The following PRELID2 variants were observed in gnomAD, a reference collection of about 807,000 sequenced individuals.
The protein encoded by PRELID2 is PRELI domain containing 2.
Under a neutral mutation model 28.4 loss-of-function variants are expected in PRELID2, and 25 were observed. The observed-to-expected ratio is 0.88, with a 90% CI of 0.64 to 1.23. PRELID2 has a LOEUF of 1.23. PRELID2 is among the 50% of genes most tolerant of loss of function. The pLI is 0.00. For missense variants in PRELID2, 201 were observed against 214.4 expected (o/e 0.94, Z 0.39); for synonymous variants, 76 against 71.6 (o/e 1.06, Z -0.31).
At chr5:145,564,874 A>G (rs1247039199) in intron 1 of PRELID2, among the ~76,000 whole-genome samples, 1 of 152,204 alleles carries the variant, frequency 6.6e-6, no homozygotes, top group Non-Finnish European at 1.5e-5. Context: ...GACTTCCATT[A>G]TGGCGTCCCT....
intron 1 of PRELID2, among the ~76,000 whole-genome samples, chr5:145,510,232 C>T (rs749726864): frequency 6.6e-6 from 1 of 152,182 alleles, no homozygotes; most frequent in African/African-American, 2.4e-5. Context: ...ACTCCATGAA[C>T]TTGACCTATC....
intron 5 of PRELID2, among the ~76,000 whole-genome samples, chr5:145,767,534 C>A (rs1255903031): frequency 2.0e-5 from 3 of 152,150 alleles, no homozygotes; most frequent in Non-Finnish European, 4.4e-5. Flanking sequence ...GCTAAAAGAG[C>A]ACACTATAAC....
intron 5 of PRELID2, 94 bp from the exon 6 acceptor site, chr5:145,765,094 C>G: frequency 1.2e-6 from 1 of 819,384 alleles, no homozygotes. Flanking sequence ...GAATCCAGGT[C>G]ATGGCCATAT....
the PRELID2 span, among the ~76,000 whole-genome samples, chr5:145,263,346 C>T: frequency 1.3e-5 from 2 of 151,934 alleles, no homozygotes; most frequent in Admixed American, 6.6e-5. Flanking sequence ...TTAACAGATA[C>T]TTACAGAACA....
At chr5:145,316,015 G>A in the PRELID2 span, among the ~76,000 whole-genome samples, 1 of 151,956 alleles carries the variant, frequency 6.6e-6, no homozygotes, top group Non-Finnish European at 1.5e-5. Context: ...GTATCTATAT[G>A]ATGGAAATAC....
At chr5:145,445,566 C>T in the PRELID2 span, among the ~76,000 whole-genome samples, 1 of 152,046 alleles carries the variant, frequency 6.6e-6, no homozygotes, top group African/African-American at 2.4e-5. Context: ...GCAAAGGGAA[C>T]AATGAACAGA....
intron 1 of PRELID2, among the ~76,000 whole-genome samples, chr5:145,660,493 T>C (rs140167856): frequency 6.6e-6 from 1 of 152,268 alleles, no homozygotes; most frequent in East Asian, 1.9e-4. Context: ...TATTCCTATA[T>C]TCTATTACTG....
chr5:145,278,090 G>A, the PRELID2 span, among the ~76,000 whole-genome samples: 3,674 of 152,156 alleles, frequency 0.024, 145 homozygotes, highest in African/African-American at 0.084. Flanking sequence ...TTTGGGCATC[G>A]TTGGCAATCT....
chr5:145,273,857 C>G, the PRELID2 span, among the ~76,000 whole-genome samples: 1 of 152,026 alleles, frequency 6.6e-6, no homozygotes, highest in African/African-American at 2.4e-5. Context: ...GTAATCAGAA[C>G]ATGGGGTAAG....
intron 1 of PRELID2, among the ~76,000 whole-genome samples, chr5:145,589,421 TCTGA>T (rs1753197050): frequency 6.6e-6 from 1 of 152,150 alleles, no homozygotes; most frequent in African/African-American, 2.4e-5. Flanking sequence ...ATGAAAACTA[TCTGA>T]ACATGTCCAT....
intron 1 of PRELID2, among the ~76,000 whole-genome samples, chr5:145,543,284 T>C (rs1752760027): frequency 6.6e-6 from 1 of 152,156 alleles, no homozygotes; most frequent in Non-Finnish European, 1.5e-5. Context: ...CAGCACTTAA[T>C]AGCTATTCCA....
chr5:145,627,145 AAT>A, intron 1 of PRELID2, among the ~76,000 whole-genome samples: 1 of 138,328 alleles, frequency 7.2e-6, no homozygotes, highest in African/African-American at 2.8e-5. Flanking sequence ...AAAAAAAAAA[AAT>A]TTGTGTATAT....
chr5:145,337,457 C>T, the PRELID2 span, among the ~76,000 whole-genome samples: 1 of 151,450 alleles, frequency 6.6e-6, no homozygotes, highest in African/African-American at 2.4e-5. Flanking sequence ...AGGTTAAGGA[C>T]TTAATCCCAC....
chr5:145,794,488 G>C (rs1027931404), intron 5 of PRELID2, among the ~76,000 whole-genome samples: 1 of 152,196 alleles, frequency 6.6e-6, no homozygotes, highest in African/African-American at 2.4e-5. Flanking sequence ...AAAGTGGCAA[G>C]AGGGAACTCT....
At chr5:145,292,637 G>C in the PRELID2 span, among the ~76,000 whole-genome samples, 1 of 151,188 alleles carries the variant, frequency 6.6e-6, no homozygotes, top group Admixed American at 6.6e-5. Context: ...GGTCACAGAT[G>C]TGTTTTAAGT....
the PRELID2 span, among the ~76,000 whole-genome samples, chr5:145,314,577 T>C: frequency 6.6e-6 from 1 of 152,040 alleles, no homozygotes; most frequent in African/African-American, 2.4e-5. Flanking sequence ...TCCAAATTTT[T>C]TTATCACTAA....
chr5:145,809,371 G>T (rs937090494), intron 4 of PRELID2, among the ~76,000 whole-genome samples: 2 of 152,154 alleles, frequency 1.3e-5, no homozygotes, highest in African/African-American at 4.8e-5. Flanking sequence ...CACTGCCATG[G>T]CCCAGCTATG....
At chr5:145,495,750 G>A (rs1275791168) in intron 1 of PRELID2, among the ~76,000 whole-genome samples, 1 of 152,134 alleles carries the variant, frequency 6.6e-6, no homozygotes, top group Non-Finnish European at 1.5e-5. Flanking sequence ...CATTAATAAT[G>A]CTAGATTTAA....
the PRELID2 span, among the ~76,000 whole-genome samples, chr5:145,296,295 C>T: frequency 1.3e-5 from 2 of 151,342 alleles, no homozygotes; most frequent in South Asian, 2.1e-4. Flanking sequence ...CACCCATTAA[C>T]TCGTCACTTA....
Sources: gnomAD v4.1 joint callset for allele counts (sites outside exome capture counted in the v4.1 genomes callset) on GRCh38, gnomAD v4.1.1 for gene constraint, MANE v1.5 for transcripts, NCBI Gene and HGNC (gene_info 2026-07-23, HGNC 2026-07-21) for gene names.